The following PRKN variants were observed in gnomAD, a reference collection of about 807,000 sequenced individuals.
PRKN encodes the protein E3 ubiquitin-protein ligase parkin.
PRKN carries 56 observed loss-of-function variants against 59.5 expected under a neutral mutation model. The ratio of observed to expected loss-of-function variants is 0.94; its 90% CI spans 0.76 to 1.18. The LOEUF is 1.18. Ranked by LOEUF, PRKN falls within the 50% of genes most tolerant of loss-of-function variation. The probability of loss-of-function intolerance (pLI) is 0.00; values close to 1 mark genes in which losing one functional copy is unlikely to be tolerated. For synonymous variants in PRKN, 250 were observed against 222.1 expected (o/e 1.13, Z -1.12); for missense variants, 657 against 596.4 (o/e 1.10, Z -1.06).
At chr6:161,732,789 A>G (rs921116003) in intron 7 of PRKN, among the ~76,000 whole-genome samples, 1 of 152,180 alleles carries the variant, frequency 6.6e-6, no homozygotes, top group Non-Finnish European at 1.5e-5. Context: ...TTTGAGCTTC[A>G]GTTAGCATCC....
intron 4 of PRKN, among the ~76,000 whole-genome samples, chr6:162,083,451 C>T (rs776432227): frequency 3.9e-5 from 6 of 152,046 alleles, no homozygotes; most frequent in Non-Finnish European, 7.3e-5. Context: ...AATGAAGTGA[C>T]ATGCAATAAA....
intron 2 of PRKN, among the ~76,000 whole-genome samples, chr6:162,339,421 C>T (rs1467051401): frequency 3.4e-5 from 5 of 147,372 alleles, no homozygotes; most frequent in African/African-American, 1.2e-4. Flanking sequence ...CCAGCCGCCC[C>T]GTCCGGGAGG....
Position 161,503,316 on chromosome 6 carries a change from TA to T in PRKN, c.1083+45537del, listed in dbSNP as rs1778030164. Among the ~76,000 whole-genome samples the T allele has an allele frequency of 3.3e-5, 5 of 152,150 alleles. No individual in the cohort carries two copies. The highest frequency in any genetic ancestry group is 3.3e-4 in the Admixed American group (5 of 15,282). ...ATTTTAATCTTGTCTGAACAAGTCA[TA>T]AAAAAGTCTTTTATACAATAGCCAA... On this transcript the variant is annotated intron_variant, in intron 9 of 11. Coordinates refer to ENST00000366898, the MANE Select transcript of PRKN (RefSeq NM_004562.3). The surrounding 1 kb of genome is among the most constrained non-coding windows in gnomAD (Gnocchi z 5.1).
intron 6 of PRKN, among the ~76,000 whole-genome samples, chr6:161,883,023 C>T (rs1029606420): frequency 5.4e-5 from 6 of 111,936 alleles, no homozygotes; most frequent in Non-Finnish European, 7.0e-5. Flanking sequence ...CAAAAAACAA[C>T]AACAACAACA....
At chr6:162,369,068 T>C (rs568914151) in intron 2 of PRKN, among the ~76,000 whole-genome samples, 2 of 152,288 alleles carry the variant, frequency 1.3e-5, no homozygotes, top group South Asian at 4.1e-4. Context: ...GAAAATGAAA[T>C]AAAGCATAAG....
chr6:161,523,782 G>T (rs1778922656), intron 9 of PRKN, among the ~76,000 whole-genome samples: 1 of 152,056 alleles, frequency 6.6e-6, no homozygotes, highest in Admixed American at 6.6e-5. Context: ...ATCTTTCTCT[G>T]TTCCTCCTCT....
Position 161,487,705 on chromosome 6 carries a change from T to C in PRKN, c.1083+61149A>G, listed in dbSNP as rs1777378140. ...GGTAGGGGTTGTGCCTTCTTTTCCATTCATTCAGAAAAAGCGCCTATGGAG... is the reference window on the plus strand; with the variant it reads ...GGTAGGGGTTGTGCCTTCTTTTCCACTCATTCAGAAAAAGCGCCTATGGAG... On this transcript the variant is annotated intron_variant, in intron 9 of 11. Coordinates refer to ENST00000366898, the MANE Select transcript of PRKN (RefSeq NM_004562.3). The surrounding 1 kb of genome is among the most constrained non-coding windows in gnomAD (Gnocchi z 5.3). Among the ~76,000 whole-genome samples, 1 of 152,188 alleles carries C rather than the reference T, an allele frequency of 6.6e-6. No homozygotes were observed.
At chr6:161,809,485 G>T (rs962848466) in intron 6 of PRKN, among the ~76,000 whole-genome samples, 1 of 152,088 alleles carries the variant, frequency 6.6e-6, no homozygotes, top group Non-Finnish European at 1.5e-5. Context: ...TTCTGTGTGG[G>T]CTCTAGAAAT....
At chr6:161,628,390 C>T (rs550948807) in intron 7 of PRKN, among the ~76,000 whole-genome samples, 10 of 152,296 alleles carry the variant, frequency 6.6e-5, no homozygotes, top group South Asian at 4.1e-4. Context: ...TGTCTTCACA[C>T]GGCAGAAGGG....
chr6:161,415,989 C>T (rs1476884342), intron 9 of PRKN, among the ~76,000 whole-genome samples: 1 of 152,104 alleles, frequency 6.6e-6, no homozygotes, highest in African/African-American at 2.4e-5. Context: ...CGTCTTTACT[C>T]AAATCGCACC....
chr6:162,335,224 T>C (rs572815192), intron 2 of PRKN, among the ~76,000 whole-genome samples: 8 of 151,738 alleles, frequency 5.3e-5, no homozygotes, highest in Non-Finnish European at 8.8e-5. Context: ...GTATTTTTAG[T>C]AGAGATGGGG....
chr6:162,707,334 G>C (rs1447848274), intron 1 of PRKN, among the ~76,000 whole-genome samples: 1 of 152,090 alleles, frequency 6.6e-6, no homozygotes. Flanking sequence ...TTTTACACTT[G>C]TACTATTGCT....
intron 9 of PRKN, among the ~76,000 whole-genome samples, chr6:161,501,943 G>A (rs751783341): frequency 2.0e-5 from 3 of 152,112 alleles, no homozygotes; most frequent in Non-Finnish European, 4.4e-5. Context: ...CGGCTGTTCT[G>A]GGGGAAGATA....
chr6:162,031,655 T>TG (rs557817798), intron 5 of PRKN, among the ~76,000 whole-genome samples: 41 of 151,976 alleles, frequency 2.7e-4, no homozygotes, highest in African/African-American at 9.9e-4. Flanking sequence ...TCTTGCCTCC[T>TG]GAGTAGCTGG....
rs1780506848 is a variant in PRKN at position 161,562,805 on chromosome 6, A to G, written c.933+6550T>C. Among the ~76,000 whole-genome samples, 3 of 152,184 alleles carry G rather than the reference A, an allele frequency of 2.0e-5. No homozygotes were observed. The highest frequency in any genetic ancestry group is 7.2e-5 in the African/African-American group (3 of 41,450). On this transcript the variant is annotated intron_variant, in intron 8 of 11. Coordinates refer to ENST00000366898, the MANE Select transcript of PRKN (RefSeq NM_004562.3). The surrounding 1 kb of genome is among the most constrained non-coding windows in gnomAD (Gnocchi z 4.3). Reference sequence around the variant, plus strand: ...TCACTTCTTTTTGTCTCCGCTGCCAACTGTCTTAATCCAGAGCCTCTCCAT... The same window carrying G: ...TCACTTCTTTTTGTCTCCGCTGCCAGCTGTCTTAATCCAGAGCCTCTCCAT...
chr6:162,542,192 T>C (rs1370716162), intron 1 of PRKN, among the ~76,000 whole-genome samples: 1 of 152,198 alleles, frequency 6.6e-6, no homozygotes, highest in African/African-American at 2.4e-5. Context: ...TATTACTTAG[T>C]ATTTCATCTC....
At chr6:162,420,225 T>G in intron 2 of PRKN, among the ~76,000 whole-genome samples, 1 of 145,450 alleles carries the variant, frequency 6.9e-6, no homozygotes, top group Non-Finnish European at 1.5e-5. Flanking sequence ...ATAAGGAGCG[T>G]GCAACCTAGA....
intron 2 of PRKN, among the ~76,000 whole-genome samples, chr6:162,351,223 T>A (rs1328796806): frequency 6.6e-6 from 1 of 151,422 alleles, no homozygotes; most frequent in Non-Finnish European, 1.5e-5. Context: ...AACAACCCAA[T>A]AAAAAGTGGA....
At chr6:161,430,472 T>A (rs549443091) in intron 9 of PRKN, among the ~76,000 whole-genome samples, 43 of 152,284 alleles carry the variant, frequency 2.8e-4, no homozygotes, top group Non-Finnish European at 5.1e-4. Flanking sequence ...GTAAATGCAC[T>A]GCTCTTGGGG....
Sources: allele counts gnomAD v4.1 joint callset (sites outside exome capture counted in the v4.1 genomes callset), GRCh38; gene constraint gnomAD v4.1.1; non-coding constraint Gnocchi (gnomAD v3.1); transcripts MANE v1.5; gene names NCBI Gene and HGNC (gene_info 2026-07-23, HGNC 2026-07-21).